ACTA2: variants seen among roughly 807,000 people sequenced by gnomAD.
ACTA2 encodes the protein actin, aortic smooth muscle.
In ACTA2, 12 loss-of-function variants were observed where a neutral mutation model predicts 39.5. That is an observed-to-expected ratio of 0.30 (90% CI 0.19 to 0.49). The LOEUF (loss-of-function observed/expected upper bound fraction) is 0.49, where lower values mean the gene tolerates loss of function less well. Among genes scored for constraint, ACTA2 ranks in the 20% least tolerant of loss-of-function variants. The pLI, the probability that ACTA2 is intolerant of heterozygous loss-of-function variation, is 0.99. For missense variants in ACTA2, 236 were observed against 498.8 expected, an observed-to-expected ratio of 0.47 and a Z score of 5.02; for synonymous variants, 158 against 180.6, an observed-to-expected ratio of 0.88 and a Z score of 1.00.
At chr10:88,960,197 T>C (rs956632455) in intron 1 of ACTA2, among the ~76,000 whole-genome samples, 1 of 152,204 alleles carries the variant, frequency 6.6e-6, no homozygotes, top group Middle Eastern at 3.2e-3. Context: ...ATATAAATTA[T>C]CCAGAATAAA....
chr10:88,988,552 A>G (rs1212451601), intron 1 of ACTA2, among the ~76,000 whole-genome samples: 1 of 151,628 alleles, frequency 6.6e-6, no homozygotes, highest in Non-Finnish European at 1.5e-5. Context: ...CTTATATGGT[A>G]TGGTTTGAAT....
exon 1 of ACTA2, chr10:88,991,015 C>T: frequency 6.7e-7 from 1 of 1,492,274 alleles, no homozygotes; most frequent in Admixed American, 1.8e-5. Flanking sequence ...GCGGCGCACG[C>T]GGGCACCTGG....
chr10:88,936,966 C>T (rs1036351234), intron 8 of ACTA2, among the ~76,000 whole-genome samples: 1 of 152,118 alleles, frequency 6.6e-6, no homozygotes, highest in Admixed American at 6.5e-5. Context: ...TAGGAACTGC[C>T]CAACTCTAGC....
At chr10:88,938,323 G>T in intron 7 of ACTA2, 81 bp from the exon 8 acceptor site, 1 of 1,482,576 alleles carries the variant, frequency 6.7e-7, no homozygotes, top group Non-Finnish European at 9.4e-7. Context: ...TTGAACATCT[G>T]GATGATCTTG....
chr10:88,961,889 T>C (rs1846232018), intron 1 of ACTA2, among the ~76,000 whole-genome samples: 2 of 152,220 alleles, frequency 1.3e-5, no homozygotes, highest in African/African-American at 4.8e-5. Context: ...TTAGAAAATA[T>C]AAATGACAGG....
At chr10:88,944,806 C>T (rs1402980292) in intron 3 of ACTA2, among the ~76,000 whole-genome samples, 1 of 152,136 alleles carries the variant, frequency 6.6e-6, no homozygotes, top group Non-Finnish European at 1.5e-5. Context: ...AAGAACAAAC[C>T]ATTGCAAAAA....
chr10:88,980,690 G>A (rs1846689117), intron 1 of ACTA2, among the ~76,000 whole-genome samples: 1 of 152,160 alleles, frequency 6.6e-6, no homozygotes, highest in Admixed American at 6.5e-5. Flanking sequence ...CAAAGAAAGT[G>A]GCCAAAATGT....
intron 1 of ACTA2, among the ~76,000 whole-genome samples, chr10:88,985,761 G>C (rs2133362265): frequency 6.6e-6 from 1 of 152,274 alleles, no homozygotes; most frequent in Admixed American, 6.5e-5. Context: ...CCAGGCCCAT[G>C]AGGAGGGCCT....
upstream of ACTA2, among the ~76,000 whole-genome samples, chr10:88,957,628 A>C (rs1198032611): frequency 6.6e-6 from 1 of 152,182 alleles, no homozygotes; most frequent in Non-Finnish European, 1.5e-5. Flanking sequence ...ACCTTTGCTC[A>C]TGCTGCTCCT....
At position 88,939,531 on chromosome 10, in the gene ACTA2, T is replaced by G; in HGVS notation, c.784A>C (p.Thr262Pro). Residue 262 changes from threonine (T) to proline (P), a missense_variant, in exon 7 of 9, where the codon ACC becomes CCC. By Grantham distance (38) the Thr-to-Pro change is conservative. Coordinates refer to ENST00000224784, the MANE Select transcript of ACTA2 (RefSeq NM_001613.4). ...IGNERFRCPE[T>P]LFQPSFIGME... ...CCGATGAAGGATGGCTGGAACAGGG[T>G]CTCTGGGCAGCGGAAACGTTCATTT... 2 of 1,613,564 alleles carry G rather than the reference T, an allele frequency of 1.2e-6. No individual in the cohort carries two copies. Among genetic ancestry groups the G allele is most frequent in the Non-Finnish European group, 1.7e-6 (2 of 1,179,950 alleles).
intron 1 of ACTA2, among the ~76,000 whole-genome samples, chr10:88,963,678 C>T (rs1167489238): frequency 4.6e-5 from 7 of 152,056 alleles, no homozygotes. Flanking sequence ...TGTCTGCAGC[C>T]AAATGCCATT....
At position 88,938,041 on chromosome 10, in the gene ACTA2, G is replaced by C; in HGVS notation, c.990+20C>G. 1 of 1,613,620 alleles carries C rather than the reference G, an allele frequency of 6.2e-7. No homozygotes were observed. ...GACACTGCTGGCGGCATTGCCACTG[G>C]GTCTGTCACTGAACAGTACCTTGAT... is the stretch of plus-strand genomic sequence containing the variant. On this transcript the variant is annotated intron_variant, in intron 8 of 8. Transcript: ENST00000224784.
upstream of ACTA2, among the ~76,000 whole-genome samples, chr10:88,953,109 C>A (rs898999692): frequency 3.9e-5 from 6 of 152,252 alleles, no homozygotes; most frequent in Non-Finnish European, 7.3e-5. Context: ...AGGATGCCAG[C>A]TTGCTATCAT....
intron 1 of ACTA2, among the ~76,000 whole-genome samples, chr10:88,989,827 C>T (rs74147453): frequency 0.011 from 1,708 of 152,242 alleles, 30 homozygotes; most frequent in African/African-American, 0.039. Flanking sequence ...AATACTGAAA[C>T]CTTTAGTGTG....
chr10:88,961,494 T>C (rs1342244414), intron 1 of ACTA2, among the ~76,000 whole-genome samples: 1 of 152,190 alleles, frequency 6.6e-6, no homozygotes, highest in African/African-American at 2.4e-5. Context: ...GTGTCAGCTG[T>C]TACACATATG....
At chr10:88,947,972 TA>T (rs1234112699) in intron 2 of ACTA2, among the ~76,000 whole-genome samples, 4 of 152,046 alleles carry the variant, frequency 2.6e-5, no homozygotes, top group African/African-American at 4.8e-5. Context: ...CAGCTGCATT[TA>T]AAAAAAATCA....
At chr10:88,975,636 A>G (rs1246206355) in intron 1 of ACTA2, among the ~76,000 whole-genome samples, 1 of 151,682 alleles carries the variant, frequency 6.6e-6, no homozygotes, top group African/African-American at 2.4e-5. Context: ...GTTCCATGAG[A>G]GTAGGATTTT....
chr10:88,986,418 T>G (rs1187122941), intron 1 of ACTA2, among the ~76,000 whole-genome samples: 1 of 152,252 alleles, frequency 6.6e-6, no homozygotes, highest in Non-Finnish European at 1.5e-5. Flanking sequence ...AATTGCTGTC[T>G]GCTTTTTAGT....
rs116746931 is a variant in ACTA2, at chr10:88,949,893, T to C, written c.-23-940A>G. Among the ~76,000 whole-genome samples the C allele has an allele frequency of 5.8e-3, 878 of 152,284 alleles. 2 individuals are homozygous for C. The highest frequency in any genetic ancestry group is 0.02 in the African/African-American group (826 of 41,560). ...TTATTTTCCCATGGTTCTGTCATAT[T>C]TTTTTAATTTTCTATATTGAATGTG... is the stretch of plus-strand genomic sequence containing the variant. On this transcript the variant is annotated intron_variant, in intron 1 of 8. Transcript: ENST00000224784.
Sources: allele counts gnomAD v4.1 joint callset (sites outside exome capture counted in the v4.1 genomes callset), GRCh38; gene constraint gnomAD v4.1.1; transcripts MANE v1.5; gene names NCBI Gene and HGNC (gene_info 2026-07-23, HGNC 2026-07-21).